SLC12A1: variants seen among roughly 807,000 people sequenced by gnomAD.
SLC12A1 encodes the protein Na-K-2Cl cotransporter.
Under a neutral mutation model 130.4 loss-of-function variants are expected in SLC12A1, and 89 were observed. The ratio of observed to expected loss-of-function variants is 0.68; its 90% CI spans 0.58 to 0.81. SLC12A1 has a LOEUF of 0.81. SLC12A1 is among the 40% of genes least tolerant of loss of function. SLC12A1 has a pLI of 0.00. For missense variants in SLC12A1, 1,310 were observed against 1,336.4 expected (o/e 0.98, Z 0.31); for synonymous variants, 499 against 460.0 (o/e 1.08, Z -1.09).
At chr15:48,270,165 C>A (rs953582502) in intron 19 of SLC12A1, among the ~76,000 whole-genome samples, 1 of 152,098 alleles carries the variant, frequency 6.6e-6, no homozygotes, top group Non-Finnish European at 1.5e-5. Context: ...GTTCACTATC[C>A]CAGAGCCCTA....
Position 48,301,323 on chromosome 15 carries a change from C to T in SLC12A1, c.3105C>T (p.Arg1035=). ...CTGAATGTTGCCCACAGAGTTACCGCCAAGTTCGACTGAATGAACTCTTAC... is the reference window on the plus strand; with the variant it reads ...CTGAATGTTGCCCACAGAGTTACCGTCAAGTTCGACTGAATGAACTCTTAC... ...ELEAVKEKSY[R]QVRLNELLQE... The change falls in exon 26 of 27, where the codon CGC becomes CGT. Residue 1035 remains arginine (R), a synonymous_variant. Coordinates refer to ENST00000380993, the MANE Select transcript of SLC12A1 (RefSeq NM_000338.3). The T allele has an allele frequency of 6.2e-7, 1 of 1,600,168 alleles. No individual in the cohort carries two copies. The highest frequency in any genetic ancestry group is 8.5e-7 in the Non-Finnish European group (1 of 1,172,744).
chr15:48,260,259 CATAATAATAATA>C (rs199909192), intron 17 of SLC12A1, among the ~76,000 whole-genome samples: 2 of 145,888 alleles, frequency 1.4e-5, no homozygotes, highest in Admixed American at 1.4e-4. Context: ...AGCAAGACTC[CATAATAATAATA>C]ATAATAATAA....
At chr15:48,209,187 G>A (rs1338569187) in intron 2 of SLC12A1, among the ~76,000 whole-genome samples, 4 of 151,998 alleles carry the variant, frequency 2.6e-5, no homozygotes, top group African/African-American at 4.8e-5. Flanking sequence ...TCAGCCCCCT[G>A]AGTAGCTGGG....
At chr15:48,233,130 G>A (rs2041400714) in intron 8 of SLC12A1, among the ~76,000 whole-genome samples, 1 of 152,196 alleles carries the variant, frequency 6.6e-6, no homozygotes, top group African/African-American at 2.4e-5. Flanking sequence ...TGATAAAATG[G>A]ATAGTACATT....
chr15:48,266,162 T>A (rs1255602325), intron 17 of SLC12A1, among the ~76,000 whole-genome samples: 1 of 152,132 alleles, frequency 6.6e-6, no homozygotes, highest in Non-Finnish European at 1.5e-5. Flanking sequence ...AGAACATACC[T>A]CAAGAGAGGA....
chr15:48,239,307 T>C (rs2041474458), intron 9 of SLC12A1, among the ~76,000 whole-genome samples: 1 of 152,016 alleles, frequency 6.6e-6, no homozygotes, highest in Non-Finnish European at 1.5e-5. Context: ...GCCCAGGAGT[T>C]TGAGACCAGC....
chr15:48,233,400 C>A (rs1247371288), intron 8 of SLC12A1, among the ~76,000 whole-genome samples: 3 of 152,224 alleles, frequency 2.0e-5, no homozygotes, highest in Admixed American at 2.0e-4. Flanking sequence ...CACTGCAGAG[C>A]ACTAAAGTCA....
chr15:48,234,744 C>T (rs563696853), intron 8 of SLC12A1, 133 bp from the exon 9 acceptor site: 91 of 774,890 alleles, frequency 1.2e-4, no homozygotes, highest in Admixed American at 8.9e-4. Context: ...CAGAGTGAGA[C>T]TCTGTCTCAA....
chr15:48,296,949 C>T (rs2141126452), intron 24 of SLC12A1, among the ~76,000 whole-genome samples: 1 of 152,286 alleles, frequency 6.6e-6, no homozygotes, highest in Middle Eastern at 3.4e-3. Flanking sequence ...TTATCACCCC[C>T]TGTGTCACTT....
At chr15:48,236,664 G>C (rs1253586618) in intron 9 of SLC12A1, among the ~76,000 whole-genome samples, 1 of 151,994 alleles carries the variant, frequency 6.6e-6, no homozygotes, top group Non-Finnish European at 1.5e-5. Context: ...TTTATATTAG[G>C]GGCCACAGTG....
chr15:48,249,260 G>C (rs2141061078), intron 13 of SLC12A1, among the ~76,000 whole-genome samples: 1 of 134,952 alleles, frequency 7.4e-6, no homozygotes, highest in South Asian at 2.3e-4. Context: ...CACAGGATTA[G>C]ATGCCTCCAG....
At chr15:48,239,646 GTGTT>G (rs1223089433) in intron 9 of SLC12A1, among the ~76,000 whole-genome samples, 4 of 152,050 alleles carry the variant, frequency 2.6e-5, no homozygotes, top group East Asian at 1.9e-4. Context: ...AGTTTTTGGG[GTGTT>G]TGTTTGTTGG....
chr15:48,262,446 A>AT (rs1334312886), intron 17 of SLC12A1, among the ~76,000 whole-genome samples: 3 of 152,206 alleles, frequency 2.0e-5, no homozygotes, highest in Non-Finnish European at 2.9e-5. Flanking sequence ...TCAAATAATC[A>AT]TTATTTGAAA....
chr15:48,294,290 G>C (rs942159945), intron 24 of SLC12A1, among the ~76,000 whole-genome samples: 2 of 148,938 alleles, frequency 1.3e-5, no homozygotes, highest in African/African-American at 5.0e-5. Context: ...AGAGGTTGCA[G>C]TGAGCCGAGA....
intron 19 of SLC12A1, among the ~76,000 whole-genome samples, chr15:48,270,853 A>T (rs1168186743): frequency 1.2e-5 from 1 of 86,378 alleles, no homozygotes; most frequent in Admixed American, 1.3e-4. Flanking sequence ...ATATACTTCA[A>T]GTATTACCTG....
chr15:48,282,479 T>C (rs1775889348), intron 20 of SLC12A1, among the ~76,000 whole-genome samples: 1 of 152,120 alleles, frequency 6.6e-6, no homozygotes, highest in African/African-American at 2.4e-5. Flanking sequence ...TAGGGCGCAC[T>C]GGAGCCTGCC....
intron 25 of SLC12A1, 150 bp from the exon 26 acceptor site, chr15:48,301,165 A>G (rs568934623): frequency 1.5e-6 from 1 of 656,950 alleles, no homozygotes; most frequent in African/African-American, 1.8e-5. Context: ...AGGTTTTAAA[A>G]CACCATAAGT....
chr15:48,228,026 A>C (rs1333962437), intron 5 of SLC12A1: 1 of 152,156 alleles, frequency 6.6e-6, no homozygotes, highest in Non-Finnish European at 1.5e-5. Context: ...TACTATAGTG[A>C]AAGAAATTTC....
At position 48,214,759 on chromosome 15, in the gene SLC12A1, T is replaced by C. The variant is rs1010941984; in HGVS notation, c.421-5875T>C. Among the ~76,000 whole-genome samples the C allele has an allele frequency of 7.4e-5, 11 of 148,424 alleles. 1 individual carries two copies. The East Asian group carries it at 2.2e-3, about 30-fold the overall frequency. On this transcript the variant is annotated intron_variant, in intron 2 of 26. Transcript: ENST00000380993. Reference sequence around the variant, plus strand: ...TTTTTAGATAATTGAGTGGCAGGAGTGGGAGGGGCTTAGGTTAGGTGGAAC... The same window carrying C: ...TTTTTAGATAATTGAGTGGCAGGAGCGGGAGGGGCTTAGGTTAGGTGGAAC...
Sources: allele counts gnomAD v4.1 joint callset (sites outside exome capture counted in the v4.1 genomes callset), GRCh38; gene constraint gnomAD v4.1.1; transcripts MANE v1.5; gene names NCBI Gene and HGNC (gene_info 2026-07-23, HGNC 2026-07-21).